Variants in RERE observed in about 807,000 individuals in gnomAD.
The protein encoded by RERE is arginine-glutamic acid dipeptide repeats.
In RERE, 40 loss-of-function variants were observed where a neutral mutation model predicts 146.1. The ratio of observed to expected loss-of-function variants is 0.27; its 90% CI spans 0.21 to 0.36. The LOEUF (loss-of-function observed/expected upper bound fraction) is 0.36. Ranked by LOEUF, RERE falls within the 10% of genes least tolerant of loss-of-function variation. RERE has a pLI of 1.00. For synonymous variants in RERE, 1,003 were observed against 866.0 expected (o/e 1.16, Z -2.78); for missense variants, 1,933 against 2,138.7 (o/e 0.90, Z 1.90).
intron 12 of RERE, among the ~76,000 whole-genome samples, chr1:8,410,137 A>C (rs1643572143): frequency 6.6e-6 from 1 of 152,118 alleles, no homozygotes; most frequent in Non-Finnish European, 1.5e-5. Context: ...CACACCCAGG[A>C]GGCACTAAGT....
intron 12 of RERE, among the ~76,000 whole-genome samples, chr1:8,413,927 T>C (rs1259314243): frequency 6.6e-6 from 1 of 151,710 alleles, no homozygotes; most frequent in Non-Finnish European, 1.5e-5. Flanking sequence ...TGGTGGCGCA[T>C]GCCTATAATC....
intron 1 of RERE, chr1:8,787,015 T>A: frequency 3.5e-6 from 2 of 579,686 alleles, no homozygotes; most frequent in East Asian, 5.8e-5. Flanking sequence ...TCAGATTCTG[T>A]CACACACACC....
At position 8,703,261 on chromosome 1, in the gene RERE, G is replaced by T. The variant is rs866366703; in HGVS notation, c.-144-46820C>A. 562 of 149,982 alleles carry T rather than the reference G, an allele frequency of 3.7e-3. 5 individuals are homozygous for T. Among genetic ancestry groups the T allele is most frequent in the African/African-American group, 0.013 (535 of 41,068 alleles). The allele number at this position is 149,982 out of a possible 1,614,324, so 9.3% of individuals were successfully genotyped here. ...GGGCGCAGGTCCCGGCGGCTTGGCG[G>T]CTCCGGGAGGCGGTGGCCGCGCGGG... On this transcript the variant is annotated intron_variant, in intron 1 of 22. Coordinates refer to ENST00000400908, the MANE Select transcript of RERE (RefSeq NM_001042681.2).
At chr1:8,807,078 G>C (rs1641706133) in intron 1 of RERE, 1 of 152,074 alleles carries the variant, frequency 6.6e-6, no homozygotes, top group Non-Finnish European at 1.5e-5. Flanking sequence ...TTGAGACAGG[G>C]TCTCACTCTG....
intron 11 of RERE, among the ~76,000 whole-genome samples, chr1:8,463,834 G>A (rs1024165092): frequency 2.6e-5 from 4 of 152,240 alleles, no homozygotes; most frequent in Admixed American, 6.5e-5. Context: ...GCCATGGATT[G>A]CAAGCTGACA....
chr1:8,774,347 A>ATTTTTTTT (rs34859762), intron 1 of RERE, among the ~76,000 whole-genome samples: 35 of 93,166 alleles, frequency 3.8e-4, no homozygotes, highest in Non-Finnish European at 5.0e-4. Context: ...TTGGCAAACT[A>ATTTTTTTT]TTTTTTTTTT....
chr1:8,375,855 AAAC>A (rs143776328), intron 12 of RERE, among the ~76,000 whole-genome samples: 5,015 of 152,302 alleles, frequency 0.033, 279 homozygotes, highest in African/African-American at 0.11. Context: ...ACAAACAAGC[AAAC>A]AACATTTTAC....
Position 8,669,403 on chromosome 1 carries a change from G to C in RERE, c.-144-12962C>G, listed in dbSNP as rs148942525. Among the ~76,000 whole-genome samples, 337 of 152,174 alleles carry C rather than the reference G, an allele frequency of 2.2e-3. 1 individual carries two copies. The highest frequency in any genetic ancestry group is 7.9e-3 in the African/African-American group (328 of 41,514). On this transcript the variant is annotated intron_variant, in intron 1 of 22. Coordinates refer to ENST00000400908, the MANE Select transcript of RERE (RefSeq NM_001042681.2). ...CATAAGCCACCATGCCCAGCCAATT[G>C]TACACTTTAAATAGGTAAATTATAT...
chr1:8,512,062 TG>T (rs1327119168), intron 7 of RERE: 6 of 123,672 alleles, frequency 4.9e-5, no homozygotes, highest in Non-Finnish European at 9.9e-5. Context: ...AGTCTCGCTC[TG>T]TCGCCCAGGC....
intron 4 of RERE, among the ~76,000 whole-genome samples, chr1:8,565,657 G>A (rs1210502375): frequency 6.6e-6 from 1 of 152,230 alleles, no homozygotes; most frequent in Non-Finnish European, 1.5e-5. Context: ...GTTGCAGTGA[G>A]CGGAGATCGT....
intron 20 of RERE, 88 bp downstream of exon 20, chr1:8,358,108 G>C: frequency 1.3e-6 from 2 of 1,513,972 alleles, no homozygotes; most frequent in Non-Finnish European, 1.8e-6. Context: ...GAAAAGAACA[G>C]TTTCCGCTCC....
At chr1:8,751,165 T>C (rs1278768825) in intron 1 of RERE, 3 of 284,164 alleles carry the variant, frequency 1.1e-5, no homozygotes, top group East Asian at 1.6e-4. Context: ...ACAGGTAGTG[T>C]TCTGTTGCCC....
At chr1:8,378,320 C>T (rs77292410) in intron 12 of RERE, among the ~76,000 whole-genome samples, 1 of 152,184 alleles carries the variant, frequency 6.6e-6, no homozygotes, top group Admixed American at 6.5e-5. Context: ...CTTGTGTAAA[C>T]GTGCAACCAG....
chr1:8,798,608 G>C (rs1459324454), intron 1 of RERE: 2 of 220,810 alleles, frequency 9.1e-6, no homozygotes, highest in Non-Finnish European at 2.0e-5. Flanking sequence ...CCATGCTCTG[G>C]TGGCTGGATT....
intron 1 of RERE, among the ~76,000 whole-genome samples, chr1:8,695,945 G>C (rs1639320342): frequency 6.6e-6 from 1 of 152,116 alleles, no homozygotes; most frequent in Admixed American, 6.5e-5. Flanking sequence ...TTCCTCAAAA[G>C]AAGACATACA....
chr1:8,541,150 C>A, intron 7 of RERE, 64 bp downstream of exon 7: 1 of 776,982 alleles, frequency 1.3e-6, no homozygotes, highest in Non-Finnish European at 2.1e-6. Context: ...CACACACATA[C>A]ACACACACAC....
intron 1 of RERE, among the ~76,000 whole-genome samples, chr1:8,731,599 A>AC (rs1337779426): frequency 2.0e-5 from 3 of 152,060 alleles, no homozygotes; most frequent in Non-Finnish European, 4.4e-5. Context: ...GTATAAAAAA[A>AC]AAAATGCATT....
intron 1 of RERE, among the ~76,000 whole-genome samples, chr1:8,739,910 C>T (rs1453934684): frequency 6.6e-6 from 1 of 151,474 alleles, no homozygotes; most frequent in Non-Finnish European, 1.5e-5. Context: ...TCCCCCCGTC[C>T]AGTTTTACTT....
At chr1:8,481,918 C>G (rs1282224697) in intron 10 of RERE, among the ~76,000 whole-genome samples, 1 of 152,158 alleles carries the variant, frequency 6.6e-6, no homozygotes, top group Non-Finnish European at 1.5e-5. Flanking sequence ...CCTGGGTCAC[C>G]TTATGTTGGT....
Sources: allele counts gnomAD v4.1 joint callset (sites outside exome capture counted in the v4.1 genomes callset), GRCh38; gene constraint gnomAD v4.1.1; transcripts MANE v1.5; gene names NCBI Gene and HGNC (gene_info 2026-07-23, HGNC 2026-07-21).